Variants in ZBTB20 observed in about 807,000 individuals in gnomAD.
The protein encoded by ZBTB20 is zinc finger and BTB domain containing 20, also known as zinc finger and BTB domain-containing protein 20.
ZBTB20 carries 9 observed loss-of-function variants against 56.9 expected under a neutral mutation model. The ratio of observed to expected loss-of-function variants is 0.16; its 90% CI spans 0.10 to 0.28. ZBTB20 has a LOEUF of 0.28. ZBTB20 is among the 10% of genes least tolerant of loss of function. The probability of loss-of-function intolerance (pLI) is 1.00; values close to 1 mark genes in which losing one functional copy is unlikely to be tolerated. For synonymous variants in ZBTB20, 417 were observed against 420.7 expected (o/e 0.99, Z 0.11); for missense variants, 655 against 1,003.0 (o/e 0.65, Z 4.69).
At chr3:114,964,700 G>C (rs1486095392) in intron 3 of ZBTB20, among the ~76,000 whole-genome samples, 2 of 152,134 alleles carry the variant, frequency 1.3e-5, no homozygotes, top group African/African-American at 4.8e-5. Flanking sequence ...GAGGCGGGGG[G>C]TGATGGGAAG....
Position 114,636,460 on chromosome 3 carries a change from A to G in ZBTB20, c.-295+57068T>C, listed in dbSNP as rs190761671. Among the ~76,000 whole-genome samples, 3 of 152,222 alleles carry G rather than the reference A, an allele frequency of 2.0e-5. No homozygotes were observed. The East Asian group carries it at 5.8e-4, about 29-fold the overall frequency. On this transcript the variant is annotated intron_variant, in intron 6 of 11. Coordinates refer to ENST00000675478, the MANE Select transcript of ZBTB20 (RefSeq NM_001348800.3). ...GGTATAAACATTAAAAGACAAAACT[A>G]TAAAAGTAATGACATGATTTGTTAA...
At chr3:114,740,134 G>C (rs781004151) in intron 5 of ZBTB20, among the ~76,000 whole-genome samples, 89 of 152,224 alleles carry the variant, frequency 5.8e-4, no homozygotes, top group Non-Finnish European at 1.2e-3. Context: ...TCCATTTTAA[G>C]GTTTGGTATT....
chr3:115,126,872 A>G (rs913052503), intron 1 of ZBTB20, among the ~76,000 whole-genome samples: 2 of 150,278 alleles, frequency 1.3e-5, no homozygotes, highest in East Asian at 1.9e-4. Context: ...GATTTAAAAT[A>G]ACAAACGAAT....
chr3:114,375,874 T>C (rs2083562365), intron 10 of ZBTB20: 1 of 152,216 alleles, frequency 6.6e-6, no homozygotes, highest in African/African-American at 2.4e-5. Flanking sequence ...ACACAGTATG[T>C]CATCTATTAG....
At chr3:114,560,206 T>C (rs898494921) in intron 6 of ZBTB20, among the ~76,000 whole-genome samples, 1 of 152,156 alleles carries the variant, frequency 6.6e-6, no homozygotes, top group Non-Finnish European at 1.5e-5. Flanking sequence ...GGAAATAGTG[T>C]ATTGCTACAG....
chr3:114,936,074 T>A (rs905842383), intron 3 of ZBTB20, among the ~76,000 whole-genome samples: 55 of 151,760 alleles, frequency 3.6e-4, no homozygotes, highest in African/African-American at 1.2e-3. Flanking sequence ...CTGATAGGAA[T>A]CAGATGATCA....
intron 5 of ZBTB20, among the ~76,000 whole-genome samples, chr3:114,798,565 G>A (rs906254400): frequency 3.3e-5 from 5 of 151,740 alleles, no homozygotes; most frequent in Non-Finnish European, 4.4e-5. Context: ...AGACTATCAC[G>A]TCTAGGTCTC....
chr3:114,612,372 C>T (rs1019794519), intron 6 of ZBTB20, among the ~76,000 whole-genome samples: 3 of 152,082 alleles, frequency 2.0e-5, no homozygotes, highest in Admixed American at 2.0e-4. Flanking sequence ...AAACCATAAG[C>T]TCTCTGTGAG....
At chr3:114,832,942 T>C (rs1439258093) in intron 4 of ZBTB20, among the ~76,000 whole-genome samples, 1 of 152,174 alleles carries the variant, frequency 6.6e-6, no homozygotes, top group African/African-American at 2.4e-5. Context: ...ATAATTCTCT[T>C]TAAATGATAT....
chr3:114,805,616 ATATAACT>A (rs1375592587), intron 4 of ZBTB20, among the ~76,000 whole-genome samples: 1 of 151,334 alleles, frequency 6.6e-6, no homozygotes, highest in Non-Finnish European at 1.5e-5. Flanking sequence ...GTTTATTGAG[ATATAACT>A]TATATAACAT....
intron 3 of ZBTB20, among the ~76,000 whole-genome samples, chr3:114,906,567 T>C (rs1388477387): frequency 6.6e-6 from 1 of 150,868 alleles, no homozygotes; most frequent in Non-Finnish European, 1.5e-5. Flanking sequence ...TTATATAATA[T>C]AAAATTTTTA....
intron 2 of ZBTB20, among the ~76,000 whole-genome samples, chr3:115,023,719 C>T (rs1320743088): frequency 1.3e-5 from 2 of 150,840 alleles, no homozygotes; most frequent in Non-Finnish European, 3.0e-5. Flanking sequence ...TATTCTCCTC[C>T]CCCACTTTTC....
At chr3:114,859,796 C>T (rs2075429418) in intron 4 of ZBTB20, among the ~76,000 whole-genome samples, 1 of 152,038 alleles carries the variant, frequency 6.6e-6, no homozygotes, top group South Asian at 2.1e-4. Context: ...ATAAATAAAG[C>T]AAAGGTTCAA....
chr3:114,342,470 C>T (rs925140550), intron 11 of ZBTB20, among the ~76,000 whole-genome samples: 1 of 152,150 alleles, frequency 6.6e-6, no homozygotes, highest in Non-Finnish European at 1.5e-5. Flanking sequence ...TAAGTTCCTT[C>T]ACTTTAAATG....
chr3:114,746,418 G>A (rs1196222406), intron 5 of ZBTB20, among the ~76,000 whole-genome samples: 1 of 151,880 alleles, frequency 6.6e-6, no homozygotes, highest in African/African-American at 2.4e-5. Flanking sequence ...CACTTGTCTG[G>A]ATGCTTCGTT....
At chr3:114,924,495 G>A (rs2076079136) in intron 3 of ZBTB20, among the ~76,000 whole-genome samples, 1 of 152,214 alleles carries the variant, frequency 6.6e-6, no homozygotes, top group Non-Finnish European at 1.5e-5. Context: ...TCACTTACAT[G>A]AAATCTTATA....
intron 6 of ZBTB20, among the ~76,000 whole-genome samples, chr3:114,539,538 A>G (rs547622824): frequency 6.6e-6 from 1 of 152,232 alleles, no homozygotes; most frequent in South Asian, 2.1e-4. Flanking sequence ...ATTACTTTGG[A>G]TCACACATGG....
intron 1 of ZBTB20, among the ~76,000 whole-genome samples, chr3:115,127,114 T>C (rs984093459): frequency 5.3e-5 from 8 of 152,196 alleles, no homozygotes; most frequent in Non-Finnish European, 1.0e-4. Flanking sequence ...GTAGGTGGTA[T>C]GAATGCTGCC....
intron 6 of ZBTB20, among the ~76,000 whole-genome samples, chr3:114,618,705 CA>C (rs1214191098): frequency 6.6e-6 from 1 of 152,136 alleles, no homozygotes; most frequent in Non-Finnish European, 1.5e-5. Context: ...CCTCATTAGA[CA>C]AATGAAATAG....
Sources: gnomAD v4.1 joint callset for allele counts (sites outside exome capture counted in the v4.1 genomes callset) on GRCh38, gnomAD v4.1.1 for gene constraint, MANE v1.5 for transcripts, NCBI Gene and HGNC (gene_info 2026-07-23, HGNC 2026-07-21) for gene names.